The following DNAAF11 variants were observed in gnomAD, a reference collection of about 807,000 sequenced individuals.
The protein encoded by DNAAF11 is leucine rich repeat containing 6.
In DNAAF11, 45 loss-of-function variants were observed where a neutral mutation model predicts 60.8. That is an observed-to-expected ratio of 0.74 (90% CI 0.58 to 0.95). The LOEUF (loss-of-function observed/expected upper bound fraction) is 0.95, where lower values mean the gene tolerates loss of function less well. Ranked by LOEUF, DNAAF11 falls within the 40% of genes least tolerant of loss-of-function variation. DNAAF11 has a pLI of 0.00. For synonymous variants in DNAAF11, 191 were observed against 183.5 expected (o/e 1.04, Z -0.33); for missense variants, 546 against 546.2 (o/e 1.00, Z 0.00).
At chr8:132,657,093 C>T (rs1823653905) in intron 2 of DNAAF11, among the ~76,000 whole-genome samples, 186 bp from the exon 3 acceptor site, 1 of 152,062 alleles carries the variant, frequency 6.6e-6, no homozygotes, top group African/African-American at 2.4e-5. Context: ...CCCATTTCTC[C>T]CTCCATCCTT....
rs555173088 is a variant in DNAAF11 at position 132,578,132 on chromosome 8, T to C, written c.1226+5562A>G. Among the ~76,000 whole-genome samples, 12 of 152,310 alleles carry C rather than the reference T, an allele frequency of 7.9e-5. No homozygotes were observed. The South Asian group carries it at 2.5e-3, about 32-fold the overall frequency. On this transcript the variant is annotated intron_variant, in intron 11 of 11. Transcript: ENST00000620350. ...ATATATCTAAGTTCATCTAGTATAA[T>C]TATTTTGTCCTTGACTTTGAGGAAG...
intron 4 of DNAAF11, among the ~76,000 whole-genome samples, chr8:132,635,534 A>G (rs372130334): frequency 6.6e-6 from 1 of 152,196 alleles, no homozygotes; most frequent in Non-Finnish European, 1.5e-5. Context: ...GACACTGGGA[A>G]GAAAAACCTT....
intron 8 of DNAAF11, among the ~76,000 whole-genome samples, chr8:132,614,040 A>C (rs1818914826): frequency 6.6e-6 from 1 of 152,160 alleles, no homozygotes; most frequent in African/African-American, 2.4e-5. Flanking sequence ...TTAGGTGTGG[A>C]GATGTAGAGA....
chr8:132,617,134 T>C (rs1227787661), intron 7 of DNAAF11, among the ~76,000 whole-genome samples: 1 of 152,104 alleles, frequency 6.6e-6, no homozygotes. Context: ...TATATATTCT[T>C]AACAACATAA....
chr8:132,650,645 A>G (rs1236999599), intron 3 of DNAAF11, among the ~76,000 whole-genome samples: 1 of 152,220 alleles, frequency 6.6e-6, no homozygotes, highest in Admixed American at 6.5e-5. Context: ...AAAACAGTCT[A>G]TATCTCTATG....
chr8:132,692,993 A>C, the DNAAF11 span, among the ~76,000 whole-genome samples: 1 of 152,264 alleles, frequency 6.6e-6, no homozygotes, highest in Admixed American at 6.5e-5. Context: ...CATCAATGGA[A>C]AATGGACACA....
chr8:132,691,480 A>T, the DNAAF11 span, among the ~76,000 whole-genome samples: 21 of 152,124 alleles, frequency 1.4e-4, no homozygotes, highest in African/African-American at 4.8e-4. Flanking sequence ...GGAGAATGGT[A>T]TTGGAAACCA....
chr8:132,656,460 G>A (rs1286450473), intron 3 of DNAAF11, among the ~76,000 whole-genome samples: 1 of 152,130 alleles, frequency 6.6e-6, no homozygotes, highest in Non-Finnish European at 1.5e-5. Context: ...ATACAAGACT[G>A]TTTAAATCTA....
At chr8:132,695,195 G>A in the DNAAF11 span, among the ~76,000 whole-genome samples, 13 of 152,258 alleles carry the variant, frequency 8.5e-5, no homozygotes, top group South Asian at 2.7e-3. Flanking sequence ...AATAAGCACA[G>A]AACTCAAATC....
At chr8:132,631,807 T>C (rs549446204) in intron 5 of DNAAF11, among the ~76,000 whole-genome samples, 10 of 152,124 alleles carry the variant, frequency 6.6e-5, no homozygotes, top group African/African-American at 1.7e-4. Flanking sequence ...TAGGTGGGAA[T>C]TGAACAATGA....
chr8:132,674,112 CAGGAGGAGG>C lies in DNAAF11; in HGVS notation c.10+1363_10+1371del, dbSNP rs1289910379. ...GGAGGAGGAGCAGGAGGAGGAGGAG[CAGGAGGAGG>C]AGGAGGAGGAGGAGAAGGAGGAGGA... On this transcript the variant is annotated intron_variant, in intron 1 of 11. Coordinates refer to ENST00000620350, the MANE Select transcript of DNAAF11 (RefSeq NM_012472.6). Among the ~76,000 whole-genome samples the C allele has an allele frequency of 4.0e-3, 188 of 46,602 alleles. 1 individual carries two copies. The highest frequency in any genetic ancestry group is 0.018 in the African/African-American group (166 of 9,136). 30.6% of individuals were successfully genotyped at this position (46,602 alleles called of 152,430 possible). A position where few individuals can be genotyped will look rare whatever the true frequency, so the allele number is the denominator to read the frequency against.
At chr8:132,597,332 T>C (rs1226728157) in intron 10 of DNAAF11, among the ~76,000 whole-genome samples, 2 of 151,964 alleles carry the variant, frequency 1.3e-5, no homozygotes, top group South Asian at 2.1e-4. Context: ...TGAGGAGCCT[T>C]CTCCCTCATA....
intron 11 of DNAAF11, among the ~76,000 whole-genome samples, chr8:132,582,831 T>C (rs575842734): frequency 1.3e-5 from 2 of 152,338 alleles, no homozygotes; most frequent in African/African-American, 2.4e-5. Context: ...TACTTCAAAA[T>C]AGATTTTACC....
upstream of DNAAF11, among the ~76,000 whole-genome samples, chr8:132,676,177 A>G (rs1163335358): frequency 6.6e-6 from 1 of 151,850 alleles, no homozygotes; most frequent in African/African-American, 2.4e-5. Flanking sequence ...CCCTCCATCA[A>G]TTTCCCTATT....
At chr8:132,642,308 T>A (rs945560365) in intron 3 of DNAAF11, among the ~76,000 whole-genome samples, 2 of 152,382 alleles carry the variant, frequency 1.3e-5, no homozygotes, top group African/African-American at 2.4e-5. Flanking sequence ...ACAATTACTA[T>A]CTTTATTTGA....
the DNAAF11 span, among the ~76,000 whole-genome samples, chr8:132,681,842 G>C: frequency 6.6e-6 from 1 of 152,186 alleles, no homozygotes; most frequent in African/African-American, 2.4e-5. Flanking sequence ...ACTCAGGAGA[G>C]AATAACTAGG....
intron 10 of DNAAF11, among the ~76,000 whole-genome samples, chr8:132,609,300 A>G (rs762308148): frequency 6.6e-6 from 1 of 151,954 alleles, no homozygotes; most frequent in Non-Finnish European, 1.5e-5. Flanking sequence ...ACCTAATACA[A>G]TGTAAATGTT....
intron 1 of DNAAF11, among the ~76,000 whole-genome samples, chr8:132,674,601 G>T (rs1157540258): frequency 6.6e-6 from 1 of 152,162 alleles, no homozygotes; most frequent in Admixed American, 6.5e-5. Flanking sequence ...AAAGAAACAC[G>T]TTTACTACCG....
intron 10 of DNAAF11, among the ~76,000 whole-genome samples, chr8:132,605,217 A>G (rs914605082): frequency 1.3e-5 from 2 of 152,180 alleles, no homozygotes; most frequent in Non-Finnish European, 2.9e-5. Context: ...TAATTTGCCA[A>G]GGTCACACAG....
Sources: allele counts gnomAD v4.1 joint callset (sites outside exome capture counted in the v4.1 genomes callset), GRCh38; gene constraint gnomAD v4.1.1; transcripts MANE v1.5; gene names NCBI Gene and HGNC (gene_info 2026-07-23, HGNC 2026-07-21).